The following TUSC3 variants were observed in gnomAD, a reference collection of about 807,000 sequenced individuals.
The protein encoded by TUSC3 is dolichyl-diphosphooligosaccharide--protein glycosyltransferase subunit TUSC3.
A neutral mutation model predicts 44.8 loss-of-function variants in TUSC3; 45 were observed. The ratio of observed to expected loss-of-function variants is 1.00; its 90% CI spans 0.79 to 1.29. The LOEUF is 1.29. TUSC3 is among the 50% of genes most tolerant of loss of function. The pLI, the probability that TUSC3 is intolerant of heterozygous loss-of-function variation, is 0.00. For missense variants in TUSC3, 519 were observed against 437.9 expected (o/e 1.19, Z -1.65); for synonymous variants, 212 against 152.9 (o/e 1.39, Z -2.85).
At chr8:15,782,241 G>A in the TUSC3 span, among the ~76,000 whole-genome samples, 1 of 152,222 alleles carries the variant, frequency 6.6e-6, no homozygotes, top group Admixed American at 6.5e-5. Flanking sequence ...GGGATGCCAA[G>A]GCAGGAGAAT....
chr8:15,814,942 T>G, the TUSC3 span, among the ~76,000 whole-genome samples: 2 of 152,168 alleles, frequency 1.3e-5, no homozygotes, highest in Non-Finnish European at 2.9e-5. Context: ...ATATAAAACA[T>G]GTTGGCTACA....
At chr8:15,770,645 A>C (rs1812425700), downstream of TUSC3, among the ~76,000 whole-genome samples, 1 of 152,182 alleles carries the variant, frequency 6.6e-6, no homozygotes, top group Non-Finnish European at 1.5e-5. Flanking sequence ...TAATATAGTA[A>C]TAATTGGAAA....
intron 1 of TUSC3, among the ~76,000 whole-genome samples, chr8:15,436,938 C>G (rs1254508326): frequency 6.6e-6 from 1 of 152,100 alleles, no homozygotes; most frequent in Non-Finnish European, 1.5e-5. Context: ...TCAATCTTTT[C>G]CTATTAAGCA....
At chr8:15,822,423 G>A in the TUSC3 span, among the ~76,000 whole-genome samples, 2 of 152,134 alleles carry the variant, frequency 1.3e-5, 1 homozygote, top group South Asian at 4.1e-4. Flanking sequence ...ATATTCGAGA[G>A]AATTACCTGC....
intron 1 of TUSC3, among the ~76,000 whole-genome samples, chr8:15,621,824 T>C (rs531581189): frequency 6.6e-6 from 1 of 152,082 alleles, no homozygotes; most frequent in South Asian, 2.1e-4. Context: ...TTTTTCTTTT[T>C]CATACAGTTA....
the TUSC3 span, among the ~76,000 whole-genome samples, chr8:15,832,172 G>A: frequency 6.6e-6 from 1 of 152,188 alleles, no homozygotes; most frequent in Non-Finnish European, 1.5e-5. Flanking sequence ...TTCCAACCAA[G>A]AATTCACATC....
chr8:15,690,770 T>A (rs959092080), intron 6 of TUSC3, among the ~76,000 whole-genome samples: 2 of 152,028 alleles, frequency 1.3e-5, no homozygotes, highest in Non-Finnish European at 2.9e-5. Flanking sequence ...CTTTCCCCAT[T>A]GTTTGTTTTT....
intron 1 of TUSC3, among the ~76,000 whole-genome samples, chr8:15,448,212 G>A (rs1800136969): frequency 6.6e-6 from 1 of 150,776 alleles, no homozygotes; most frequent in Non-Finnish European, 1.5e-5. Flanking sequence ...TCTGCCTCCT[G>A]GGTTCAAGCA....
chr8:15,644,810 C>T (rs1412183371), intron 2 of TUSC3, among the ~76,000 whole-genome samples: 1 of 151,818 alleles, frequency 6.6e-6, no homozygotes, highest in East Asian at 1.9e-4. Flanking sequence ...GACCCTGTTT[C>T]TACTGAATTA....
chr8:15,842,220 G>A, the TUSC3 span, among the ~76,000 whole-genome samples: 2 of 152,148 alleles, frequency 1.3e-5, no homozygotes, highest in Non-Finnish European at 2.9e-5. Flanking sequence ...AAGAGAACGA[G>A]TATGAATCCT....
chr8:15,463,482 T>G (rs1003865857), intron 1 of TUSC3, among the ~76,000 whole-genome samples: 2 of 152,138 alleles, frequency 1.3e-5, no homozygotes, highest in African/African-American at 2.4e-5. Context: ...CTCACCTGAT[T>G]GTGCAGTTTA....
intron 2 of TUSC3, among the ~76,000 whole-genome samples, chr8:15,494,277 T>C (rs906927898): frequency 2.6e-5 from 4 of 151,924 alleles, no homozygotes; most frequent in African/African-American, 9.7e-5. Flanking sequence ...TTTTTACTGA[T>C]GTCTCAGGCC....
chr8:15,535,872 C>T (rs1801515275), upstream of TUSC3, among the ~76,000 whole-genome samples: 2 of 152,212 alleles, frequency 1.3e-5, no homozygotes, highest in East Asian at 1.9e-4. Flanking sequence ...AAATACACCT[C>T]GTGAACATCT....
chr8:15,476,942 G>A (rs1800584054), intron 1 of TUSC3, among the ~76,000 whole-genome samples: 1 of 152,230 alleles, frequency 6.6e-6, no homozygotes, highest in African/African-American at 2.4e-5. Flanking sequence ...CAGCCAATCA[G>A]AGGCTAAAGT....
At chr8:15,456,992 A>C (rs1013179944) in intron 1 of TUSC3, among the ~76,000 whole-genome samples, 4 of 152,204 alleles carry the variant, frequency 2.6e-5, no homozygotes, top group Non-Finnish European at 5.9e-5. Context: ...TACTCATGTT[A>C]CAGAAACTAG....
chr8:15,459,972 A>T (rs915753755), intron 1 of TUSC3, among the ~76,000 whole-genome samples: 2 of 152,050 alleles, frequency 1.3e-5, no homozygotes, highest in African/African-American at 2.4e-5. Context: ...GAATTTTGCA[A>T]TTGCTAATTG....
intron 2 of TUSC3, among the ~76,000 whole-genome samples, chr8:15,626,635 G>A (rs1026430914): frequency 6.6e-6 from 1 of 152,196 alleles, no homozygotes; most frequent in Non-Finnish European, 1.5e-5. Context: ...TACCCCTGCA[G>A]GCTTGGAGAT....
At chr8:15,741,600 C>T (rs1585290370) in intron 7 of TUSC3, among the ~76,000 whole-genome samples, 1 of 151,892 alleles carries the variant, frequency 6.6e-6, no homozygotes, top group African/African-American at 2.4e-5. Context: ...GGCATGAGAA[C>T]CGCTTGAACC....
intron 6 of TUSC3, among the ~76,000 whole-genome samples, chr8:15,726,635 A>C (rs561330378): frequency 1.3e-5 from 2 of 152,062 alleles, no homozygotes; most frequent in East Asian, 1.9e-4. Flanking sequence ...GTGAAACCCT[A>C]TCTCTACTAA....
Sources: gnomAD v4.1 joint callset for allele counts (sites outside exome capture counted in the v4.1 genomes callset) on GRCh38, gnomAD v4.1.1 for gene constraint, MANE v1.5 for transcripts, NCBI Gene and HGNC (gene_info 2026-07-23, HGNC 2026-07-21) for gene names.